HECTD2: variants seen among roughly 807,000 people sequenced by gnomAD.
HECTD2 encodes probable E3 ubiquitin-protein ligase HECTD2.
In HECTD2, 35 loss-of-function variants were observed where a neutral mutation model predicts 103.2. That is an observed-to-expected ratio of 0.34 (90% confidence interval 0.26 to 0.45). HECTD2 has a LOEUF of 0.45. Among genes scored for constraint, HECTD2 ranks in the 20% least tolerant of loss-of-function variants. The probability of loss-of-function intolerance (pLI) is 1.00; values close to 1 mark genes in which losing one functional copy is unlikely to be tolerated. For synonymous variants in HECTD2, 281 were observed against 329.9 expected, an observed-to-expected ratio of 0.85 and a Z score of 1.61; for missense variants, 596 against 937.4, an observed-to-expected ratio of 0.64 and a Z score of 4.76.
Position 91,481,096 on chromosome 10 carries a change from C to T in HECTD2, c.668C>T (p.Pro223Leu). The change falls in exon 7 of 21, where the codon CCA becomes CTA. Residue 223 changes from proline to leucine, a missense_variant and splice_region_variant. By Grantham distance (98) the Pro-to-Leu change is moderately conservative. Around this residue, in one of 4 missense-constraint regions of HECTD2, gnomAD observed 303 missense variants for 522.5 expected, o/e 0.58. Coordinates refer to ENST00000298068, the MANE Select transcript of HECTD2 (RefSeq NM_182765.6). ...AATTATTCTTGTTTCTTTTTCAGTC[C>T]ACGAACAAAAGATGATCTTAGAGCA... ...INSLLREWKG[P>L]RTKDDLRAYF... 6.7e-7 allele frequency: 1 copy of T among 1,488,852 alleles called. No homozygotes were observed. Among genetic ancestry groups the T allele is most frequent in the Non-Finnish European group, 9.2e-7 (1 of 1,085,532 alleles). 92.2% of individuals were successfully genotyped at this position (1,488,852 alleles called of 1,614,324 possible).
chr10:91,424,924 GTAT>G (rs950560200), intron 1 of HECTD2, among the ~76,000 whole-genome samples: 108 of 152,134 alleles, frequency 7.1e-4, no homozygotes, highest in African/African-American at 2.5e-3. Context: ...CACAAAAATA[GTAT>G]TATTTAAATA....
chr10:91,501,889 C>A (rs1382364038), intron 20 of HECTD2, among the ~76,000 whole-genome samples: 1 of 151,806 alleles, frequency 6.6e-6, no homozygotes, highest in African/African-American at 2.4e-5. Flanking sequence ...CTCCTTTTCC[C>A]AAATAACTTA....
chr10:91,471,016 A>G (rs11186579), intron 5 of HECTD2, among the ~76,000 whole-genome samples: 1 of 145,370 alleles, frequency 6.9e-6, no homozygotes, highest in Admixed American at 6.6e-5. Context: ...ACACACGCAC[A>G]CACACAAAGA....
intron 15 of HECTD2, among the ~76,000 whole-genome samples, chr10:91,496,779 A>C (rs997798355): frequency 1.3e-5 from 2 of 152,070 alleles, no homozygotes; most frequent in Non-Finnish European, 2.9e-5. Flanking sequence ...TAGAACATTT[A>C]TTATGTAAAA....
intron 20 of HECTD2, among the ~76,000 whole-genome samples, chr10:91,508,705 G>A (rs11498672): frequency 0.088 from 12,403 of 140,414 alleles, 1,216 homozygotes; most frequent in African/African-American, 0.29. Flanking sequence ...CCATTGTGGA[G>A]GTCAGTGTGG....
At chr10:91,501,077 T>G (rs1391615093) in intron 19 of HECTD2, 114 bp from the exon 20 acceptor site, 1 of 797,456 alleles carries the variant, frequency 1.3e-6, no homozygotes, top group Non-Finnish European at 2.0e-6. Context: ...TTACAGAAAT[T>G]CAGGATATTA....
chr10:91,494,665 G>A (rs1234528946), intron 14 of HECTD2, among the ~76,000 whole-genome samples: 1 of 152,012 alleles, frequency 6.6e-6, no homozygotes, highest in Non-Finnish European at 1.5e-5. Flanking sequence ...GGTCCAAAGT[G>A]CTAAATTCCA....
chr10:91,478,352 ACT>A (rs1845981942), intron 6 of HECTD2, 87 bp downstream of exon 6: 2 of 791,166 alleles, frequency 2.5e-6, no homozygotes, highest in Non-Finnish European at 4.2e-6. Context: ...TATGTATTTT[ACT>A]CTCAGAAAAG....
Position 91,491,556 on chromosome 10 carries a change from G to A in HECTD2, c.1299+249G>A, listed in dbSNP as rs1846479165. On this transcript the variant is annotated intron_variant, in intron 12 of 20. Coordinates refer to ENST00000298068, the MANE Select transcript of HECTD2 (RefSeq NM_182765.6). ...ATAGTTTGTTAATTCCCTAGAAAAG[G>A]ATTTGATGTAGAACACTTAAATGAG... Among the ~76,000 whole-genome samples, 4 of 152,080 alleles carry A rather than the reference G, an allele frequency of 2.6e-5. No homozygotes were observed. In the South Asian group the frequency reaches 8.3e-4, roughly 32 times the overall value.
At chr10:91,409,620 G>T (rs569394286), upstream of HECTD2, among the ~76,000 whole-genome samples, 17 of 152,190 alleles carry the variant, frequency 1.1e-4, no homozygotes, top group South Asian at 3.3e-3. Context: ...AGGGGAAAGG[G>T]GGGGCCCACC....
At chr10:91,440,687 C>T (rs1008444906) in intron 2 of HECTD2, among the ~76,000 whole-genome samples, 1 of 100,326 alleles carries the variant, frequency 1.0e-5, no homozygotes, top group Non-Finnish European at 2.0e-5. Flanking sequence ...GTAGAATTCA[C>T]CTGTCAATCT....
chr10:91,512,509 T>C lies in HECTD2; in HGVS notation c.*125T>C. 1.1e-6 allele frequency: 1 copy of C among 915,626 alleles called. No homozygotes were observed. The highest frequency in any genetic ancestry group is 1.6e-6 in the Non-Finnish European group (1 of 619,576). 56.7% of individuals were successfully genotyped at this position (915,626 alleles called of 1,614,324 possible). Reference sequence around the variant, plus strand: ...AGCTCACCAACTTTAAAATATTAAGTTTTTAAAAAATCAAATATGAAGTAT... The same window carrying C: ...AGCTCACCAACTTTAAAATATTAAGCTTTTAAAAAATCAAATATGAAGTAT... On this transcript the variant is annotated 3_prime_UTR_variant, in exon 21 of 21. Transcript: ENST00000298068.
At chr10:91,444,490 T>A (rs1041349253) in intron 2 of HECTD2, among the ~76,000 whole-genome samples, 2 of 152,216 alleles carry the variant, frequency 1.3e-5, no homozygotes, top group African/African-American at 2.4e-5. Flanking sequence ...GTTAACACAC[T>A]ATGTTAATGG....
At position 91,461,345 on chromosome 10, in the gene HECTD2, G is replaced by A; in HGVS notation, c.499G>A (p.Ala167Thr). 1 of 1,473,788 alleles carries A rather than the reference G, an allele frequency of 6.8e-7. No homozygotes were observed. The highest frequency in any genetic ancestry group is 9.2e-7 in the Non-Finnish European group (1 of 1,082,096). 91.3% of individuals were successfully genotyped at this position (1,473,788 alleles called of 1,614,324 possible). ...TTFDSFPELN[A>T]AFKKDATASF... ...GTTTGATTCTTTCCCAGAATTAAAT[G>A]CTGCATTTAAGGTAATTATACATAA... The change falls in exon 4 of 21, where the codon GCT becomes ACT. Residue 167 changes from alanine (A) to threonine (T), a missense_variant. Coordinates refer to ENST00000298068, the MANE Select transcript of HECTD2 (RefSeq NM_182765.6).
At chr10:91,461,944 C>A in intron 4 of HECTD2, 151 bp from the exon 5 acceptor site, 1 of 590,834 alleles carries the variant, frequency 1.7e-6, no homozygotes, top group Admixed American at 3.6e-5. Context: ...TTGTACATTT[C>A]TTTTTATTTT....
In HECTD2 at chr10:91,512,299, G is replaced by A. The variant is rs768501744; in HGVS notation, c.2246G>A (p.Cys749Tyr). The A allele has an allele frequency of 1.2e-6, 2 of 1,612,526 alleles. No homozygotes were observed. The highest frequency in any genetic ancestry group is 1.7e-6 in the Non-Finnish European group (2 of 1,179,390). The change falls in exon 21 of 21, where the codon TGC (cysteine) becomes TAC (tyrosine). Residue 749 changes from cysteine to tyrosine, a missense_variant. By Grantham distance (194) the Cys-to-Tyr change is radical. Transcript: ENST00000298068. ...GCCCATACCTGCTTCAATCAACTTT[G>A]CCTTCCCCCCTACAAGAGCAAAAAG... ...PVAHTCFNQLCLPPYKSKKDL... is the reference protein window; with the variant it reads ...PVAHTCFNQLYLPPYKSKKDL...
chr10:91,468,725 CAG>C (rs1326764723), intron 5 of HECTD2, among the ~76,000 whole-genome samples: 1 of 152,026 alleles, frequency 6.6e-6, no homozygotes, highest in Non-Finnish European at 1.5e-5. Flanking sequence ...ATTGATCTGA[CAG>C]AGCTGAAAAA....
At chr10:91,503,490 C>T (rs1589550679) in intron 20 of HECTD2, among the ~76,000 whole-genome samples, 1 of 152,328 alleles carries the variant, frequency 6.6e-6, no homozygotes, top group African/African-American at 2.4e-5. Context: ...AGGGAGTTCC[C>T]TTTCCTAATC....
At chr10:91,428,350 G>C (rs1438135673) in intron 2 of HECTD2, among the ~76,000 whole-genome samples, 34 of 147,820 alleles carry the variant, frequency 2.3e-4, no homozygotes, top group Middle Eastern at 3.4e-3. Context: ...GGATTGACTT[G>C]GCGATGCGGG....
Sources: allele counts gnomAD v4.1 joint callset (sites outside exome capture counted in the v4.1 genomes callset), GRCh38; gene constraint gnomAD v4.1.1; regional missense constraint gnomAD v4.1.1; transcripts MANE v1.5; gene names NCBI Gene and HGNC (gene_info 2026-07-23, HGNC 2026-07-21).